Variants in NREP observed in about 807,000 individuals in gnomAD.
The protein encoded by NREP is neuronal regeneration related protein, also known as neuronal regeneration-related protein.
NREP carries 5 observed loss-of-function variants against 8.6 expected under a neutral mutation model. The ratio of observed to expected loss-of-function variants is 0.58; its 90% CI spans 0.30 to 1.22. The LOEUF is 1.22. Among genes scored for constraint, NREP ranks in the 50% most tolerant of loss-of-function variants. The pLI is 0.07. For missense variants in NREP, 86 were observed against 82.5 expected (o/e 1.04, Z -0.17); for synonymous variants, 27 against 28.0 (o/e 0.96, Z 0.11).
chr5:111,916,334 C>T (rs1755056741), intron 2 of NREP, among the ~76,000 whole-genome samples: 1 of 151,920 alleles, frequency 6.6e-6, no homozygotes, highest in Non-Finnish European at 1.5e-5. Context: ...GCGGCCTCTG[C>T]TGAGCCCTCC....
intron 2 of NREP, among the ~76,000 whole-genome samples, chr5:111,778,151 A>G (rs558321478): frequency 2.0e-5 from 3 of 152,312 alleles, no homozygotes; most frequent in African/African-American, 7.2e-5. Flanking sequence ...CTTGTCAAGC[A>G]GAGGCAAGTT....
chr5:111,874,360 T>C (rs1753857114), intron 2 of NREP, among the ~76,000 whole-genome samples: 1 of 152,206 alleles, frequency 6.6e-6, no homozygotes, highest in Admixed American at 6.5e-5. Context: ...AAGTATAAAC[T>C]CTTTCACTTA....
Position 111,878,365 on chromosome 5 carries a change from A to T in NREP, c.135+96909T>A, listed in dbSNP as rs527800742. Among the ~76,000 whole-genome samples, 11 of 152,288 alleles carry T rather than the reference A, an allele frequency of 7.2e-5. No homozygotes were observed. In the East Asian group the frequency reaches 1.9e-3, roughly 27 times the overall value. On this transcript the variant is annotated intron_variant, in intron 2 of 3. Coordinates refer to the NREP transcript ENST00000395634. The stretch of plus-strand genomic sequence containing the variant: ...GCTGAAGGGAAGAAGCACATCTTAC[A>T]TGGCGGCAGGTGAGAGAGAGCAACA...
chr5:111,881,608 G>C (rs1036773849), intron 2 of NREP, among the ~76,000 whole-genome samples: 1 of 152,112 alleles, frequency 6.6e-6, no homozygotes, highest in Non-Finnish European at 1.5e-5. Flanking sequence ...CACCTCACAC[G>C]ACCGGGTACT....
chr5:111,897,051 A>G (rs2112542073), intron 2 of NREP, among the ~76,000 whole-genome samples: 1 of 152,256 alleles, frequency 6.6e-6, no homozygotes, highest in Non-Finnish European at 1.5e-5. Context: ...ATTAGATTCA[A>G]ACCTGGCTTT....
chr5:111,877,432 T>A (rs891340129), intron 2 of NREP, among the ~76,000 whole-genome samples: 8 of 152,204 alleles, frequency 5.3e-5, no homozygotes, highest in Non-Finnish European at 1.0e-4. Context: ...ATCACCAACA[T>A]CAGAATCACT....
intron 2 of NREP, among the ~76,000 whole-genome samples, chr5:111,829,456 A>G (rs529503223): frequency 2.0e-5 from 3 of 152,322 alleles, no homozygotes; most frequent in Admixed American, 6.5e-5. Flanking sequence ...CCACCGGCCC[A>G]TAAAGACAAT....
At chr5:111,862,541 G>T (rs957396856) in intron 2 of NREP, among the ~76,000 whole-genome samples, 3 of 152,066 alleles carry the variant, frequency 2.0e-5, no homozygotes, top group African/African-American at 7.2e-5. Context: ...AAAACAGTTG[G>T]CAACGTTCTC....
intron 2 of NREP, among the ~76,000 whole-genome samples, chr5:111,814,988 A>G (rs1752352878): frequency 6.6e-6 from 1 of 151,884 alleles, no homozygotes; most frequent in African/African-American, 2.4e-5. Flanking sequence ...GGAATACCAA[A>G]GGAACTGGTG....
intron 2 of NREP, among the ~76,000 whole-genome samples, chr5:111,855,363 TGTC>T (rs1753403088): frequency 6.6e-6 from 1 of 152,226 alleles, no homozygotes; most frequent in African/African-American, 2.4e-5. Context: ...TTAGCACAGT[TGTC>T]GGCACAGGTA....
intron 2 of NREP, among the ~76,000 whole-genome samples, chr5:111,893,081 G>A (rs1447186712): frequency 6.6e-6 from 1 of 152,160 alleles, no homozygotes; most frequent in East Asian, 1.9e-4. Flanking sequence ...AGAAAAGTTC[G>A]CTTTGGTGTA....
At chr5:111,840,130 A>T (rs1201328958) in intron 2 of NREP, among the ~76,000 whole-genome samples, 1 of 152,080 alleles carries the variant, frequency 6.6e-6, no homozygotes, top group Non-Finnish European at 1.5e-5. Flanking sequence ...TCATTATTAT[A>T]TGCATGTCTC....
intron 2 of NREP, among the ~76,000 whole-genome samples, chr5:111,806,754 G>A (rs1490382957): frequency 2.6e-5 from 4 of 152,094 alleles, no homozygotes; most frequent in Non-Finnish European, 5.9e-5. Context: ...TCTCTGTTAC[G>A]ATTTTGAATG....
At chr5:111,895,452 G>T (rs151259475) in intron 2 of NREP, among the ~76,000 whole-genome samples, 2 of 152,218 alleles carry the variant, frequency 1.3e-5, no homozygotes, top group East Asian at 1.9e-4. Context: ...ATATTTCAGT[G>T]CCATGGAAAA....
At chr5:111,746,876 G>A (rs190700961) in intron 2 of NREP, among the ~76,000 whole-genome samples, 13 of 152,176 alleles carry the variant, frequency 8.5e-5, no homozygotes, top group East Asian at 3.9e-4. Flanking sequence ...GCTTTTAAAC[G>A]GTGGGTACAT....
chr5:111,756,080 T>A (rs1437539710), intron 1 of NREP: 20 of 1,171,076 alleles, frequency 1.7e-5, no homozygotes, highest in Non-Finnish European at 2.0e-5. Context: ...TTGGTTCATC[T>A]TTAAATTGCA....
chr5:111,837,367 C>T (rs1283941206), intron 2 of NREP, among the ~76,000 whole-genome samples: 1 of 151,832 alleles, frequency 6.6e-6, no homozygotes, highest in African/African-American at 2.4e-5. Context: ...AAGGGGCTCC[C>T]ACTGTCCAAG....
intron 2 of NREP, among the ~76,000 whole-genome samples, chr5:111,912,288 G>A (rs886521047): frequency 1.3e-5 from 2 of 151,882 alleles, no homozygotes; most frequent in Non-Finnish European, 2.9e-5. Flanking sequence ...AACCCACCCT[G>A]GCAAAATGAG....
At chr5:111,803,632 T>C (rs772196788) in intron 2 of NREP, among the ~76,000 whole-genome samples, 5 of 152,214 alleles carry the variant, frequency 3.3e-5, no homozygotes, top group Non-Finnish European at 5.9e-5. Flanking sequence ...ATTTTAAATA[T>C]CTATTAATGT....
Sources: gnomAD v4.1 joint callset for allele counts (sites outside exome capture counted in the v4.1 genomes callset) on GRCh38, gnomAD v4.1.1 for gene constraint, MANE v1.5 for transcripts, NCBI Gene and HGNC (gene_info 2026-07-23, HGNC 2026-07-21) for gene names.